Variants in ABI3BP observed in about 807,000 individuals in gnomAD.
The protein encoded by ABI3BP is ABI family member 3 binding protein, also known as target of Nesh-SH3.
In ABI3BP, 216 loss-of-function variants were observed where a neutral mutation model predicts 268.6. That is an observed-to-expected ratio of 0.80 (90% CI 0.72 to 0.90). The LOEUF is 0.90. Among genes scored for constraint, ABI3BP ranks in the 40% least tolerant of loss-of-function variants. The pLI is 0.00. For synonymous variants in ABI3BP, 730 were observed against 730.0 expected (o/e 1.00, Z 0.00); for missense variants, 2,090 against 2,182.4 (o/e 0.96, Z 0.84).
chr3:100,767,049 G>A (rs111776592), intron 62 of ABI3BP, among the ~76,000 whole-genome samples: 2,518 of 152,100 alleles, frequency 0.017, 64 homozygotes, highest in African/African-American at 0.047. Context: ...TGCAACCTCC[G>A]CCTCCCGGGG....
At chr3:100,967,903 A>G (rs551652375) in intron 1 of ABI3BP, among the ~76,000 whole-genome samples, 33 of 152,194 alleles carry the variant, frequency 2.2e-4, no homozygotes, top group Non-Finnish European at 3.8e-4. Flanking sequence ...AAATGAAAAA[A>G]CAATGCATGC....
intron 51 of ABI3BP, among the ~76,000 whole-genome samples, chr3:100,797,213 A>G (rs2097371667): frequency 6.6e-6 from 1 of 152,028 alleles, no homozygotes; most frequent in African/African-American, 2.4e-5. Flanking sequence ...GAAATCCAGT[A>G]TATTTTTTAA....
chr3:100,923,775 T>C (rs1561700809), intron 2 of ABI3BP, among the ~76,000 whole-genome samples: 1 of 152,138 alleles, frequency 6.6e-6, no homozygotes, highest in Non-Finnish European at 1.5e-5. Flanking sequence ...GAAAGAATAA[T>C]AGAATGAGAA....
intron 22 of ABI3BP, among the ~76,000 whole-genome samples, chr3:100,840,415 T>C (rs2098675881): frequency 6.6e-6 from 1 of 152,192 alleles, no homozygotes; most frequent in African/African-American, 2.4e-5. Context: ...CTCAAAACTT[T>C]GTACAGCTTA....
intron 37 of ABI3BP, 36 bp downstream of exon 37, chr3:100,823,422 A>T: frequency 6.7e-7 from 1 of 1,496,508 alleles, no homozygotes; most frequent in Non-Finnish European, 8.9e-7. Flanking sequence ...GACAATAAGC[A>T]AAAGAAGCTT....
Position 100,993,358 on chromosome 3 carries a change from A to G in ABI3BP, c.27T>C (p.Leu9=), listed in dbSNP as rs1303330272. Reference sequence around the variant, plus strand: ...GGGCTAGTGTAATACTTCCACAGAGAAGTAGACACCCCAAACTGGAGAGCA... The same window carrying G: ...GGGCTAGTGTAATACTTCCACAGAGGAGTAGACACCCCAAACTGGAGAGCA... MLSSLGCL[L]LCGSITLALG... is the part of the protein sequence containing the mutation. The change falls in exon 1 of 68, where the codon CTT becomes CTC. Residue 9 remains leucine, a synonymous_variant. Transcript: ENST00000471714. 2 of 1,553,618 alleles carry G rather than the reference A, an allele frequency of 1.3e-6. No homozygotes were observed. The highest frequency in any genetic ancestry group is 1.9e-5 in the Admixed American group (1 of 51,452).
chr3:100,850,001 T>A (rs765294394), intron 17 of ABI3BP, 44 bp downstream of exon 17: 1 of 1,515,214 alleles, frequency 6.6e-7, no homozygotes, highest in South Asian at 1.2e-5. Flanking sequence ...TCACATTACC[T>A]GTTTCGTCAA....
chr3:100,812,636 A>T, intron 45 of ABI3BP, 113 bp from the exon 46 acceptor site: 1 of 563,454 alleles, frequency 1.8e-6, no homozygotes, highest in Non-Finnish European at 2.7e-6. Context: ...TAACAACATT[A>T]TTAACACTAA....
intron 7 of ABI3BP, among the ~76,000 whole-genome samples, chr3:100,876,075 T>C (rs1178448631): frequency 6.6e-6 from 1 of 152,162 alleles, no homozygotes; most frequent in East Asian, 1.9e-4. Flanking sequence ...AAATAATAGA[T>C]TTTAATAATT....
At chr3:100,795,897 C>G (rs1412055475) in intron 52 of ABI3BP, 46 bp from the exon 53 acceptor site, 1 of 1,237,418 alleles carries the variant, frequency 8.1e-7, no homozygotes, top group South Asian at 1.4e-5. Context: ...AGAATTACTA[C>G]CTGGCAAAGT....
chr3:100,958,860 T>TA (rs1043864648), intron 1 of ABI3BP, among the ~76,000 whole-genome samples: 2 of 152,364 alleles, frequency 1.3e-5, no homozygotes, highest in Admixed American at 1.3e-4. Context: ...AGGGAGTTTT[T>TA]ATCTACTTGT....
chr3:100,825,399 A>C (rs561207882), intron 35 of ABI3BP, among the ~76,000 whole-genome samples: 57 of 152,260 alleles, frequency 3.7e-4, no homozygotes, highest in East Asian at 9.6e-4. Context: ...TAAATCTAGA[A>C]ACTCAGATGT....
intron 1 of ABI3BP, among the ~76,000 whole-genome samples, chr3:100,944,091 A>ACCTTTC (rs2070921301): frequency 6.6e-6 from 1 of 152,080 alleles, no homozygotes; most frequent in Admixed American, 6.6e-5. Flanking sequence ...GGTCTCTGAC[A>ACCTTTC]CCTTTCCCTC....
At chr3:100,989,681 A>G (rs535913971) in intron 1 of ABI3BP, among the ~76,000 whole-genome samples, 1 of 152,254 alleles carries the variant, frequency 6.6e-6, no homozygotes, top group South Asian at 2.1e-4. Flanking sequence ...GCTAATTACA[A>G]TCTTCTGTAT....
chr3:100,763,488 AAAATCT>A (rs2096094282), intron 63 of ABI3BP, among the ~76,000 whole-genome samples: 1 of 152,112 alleles, frequency 6.6e-6, no homozygotes, highest in East Asian at 1.9e-4. Context: ...GAAAAAAGAA[AAAATCT>A]AGACAGGCAC....
chr3:100,809,990 G>A (rs557377162), intron 49 of ABI3BP, among the ~76,000 whole-genome samples: 2 of 152,188 alleles, frequency 1.3e-5, no homozygotes, highest in East Asian at 3.9e-4. Context: ...CCCCTTTCAT[G>A]TGGATTGCAC....
At chr3:100,917,635 C>T (rs545915874) in intron 2 of ABI3BP, among the ~76,000 whole-genome samples, 3 of 152,210 alleles carry the variant, frequency 2.0e-5, no homozygotes, top group East Asian at 1.9e-4. Context: ...CGGGGACACT[C>T]TTTTGGATAT....
At chr3:100,898,237 C>T (rs1346191545) in intron 4 of ABI3BP, among the ~76,000 whole-genome samples, 1 of 152,236 alleles carries the variant, frequency 6.6e-6, no homozygotes, top group African/African-American at 2.4e-5. Flanking sequence ...GGCATCAAAA[C>T]CACCTGGAAG....
At chr3:100,844,558 T>C (rs1230518433) in intron 20 of ABI3BP, 2 of 599,850 alleles carry the variant, frequency 3.3e-6, no homozygotes, top group Non-Finnish European at 4.2e-6. Context: ...TTGGGTGGTG[T>C]ATTTGCTCTT....
Sources: allele counts gnomAD v4.1 joint callset (sites outside exome capture counted in the v4.1 genomes callset), GRCh38; gene constraint gnomAD v4.1.1; transcripts MANE v1.5; gene names NCBI Gene and HGNC (gene_info 2026-07-23, HGNC 2026-07-21).